The following MAST4 variants were observed in gnomAD, a reference collection of about 807,000 sequenced individuals.
The protein encoded by MAST4 is microtubule associated serine/threonine kinase family member 4, also known as microtubule-associated serine/threonine-protein kinase 4.
In MAST4, 89 loss-of-function variants were observed where a neutral mutation model predicts 162.7. The observed-to-expected ratio is 0.55, with a 90% confidence interval of 0.46 to 0.65. The LOEUF (loss-of-function observed/expected upper bound fraction) is 0.65. Among genes scored for constraint, MAST4 ranks in the 30% least tolerant of loss-of-function variants. The probability of loss-of-function intolerance (pLI) is 0.00; values close to 1 mark genes in which losing one functional copy is unlikely to be tolerated. For missense variants in MAST4, 3,153 were observed against 3,374.0 expected (o/e 0.93, Z 1.62); for synonymous variants, 1,479 against 1,361.1 (o/e 1.09, Z -1.91).
chr5:66,776,190 T>C (rs1754593222), intron 2 of MAST4, among the ~76,000 whole-genome samples: 1 of 152,222 alleles, frequency 6.6e-6, no homozygotes, highest in African/African-American at 2.4e-5. Flanking sequence ...CAGCTTTTGT[T>C]CTTTTTGTTT....
intron 1 of MAST4, among the ~76,000 whole-genome samples, chr5:66,749,993 T>TGA (rs966424262): frequency 2.0e-4 from 31 of 152,052 alleles, no homozygotes; most frequent in African/African-American, 7.0e-4. Flanking sequence ...GTGGCAGGGA[T>TGA]GAGAGAGAGA....
At chr5:66,642,426 A>G (rs563382646) in intron 1 of MAST4, among the ~76,000 whole-genome samples, 47 of 152,346 alleles carry the variant, frequency 3.1e-4, no homozygotes, top group Non-Finnish European at 6.3e-4. Context: ...CCATCTTCAG[A>G]CAATTAGGAA....
intron 3 of MAST4, among the ~76,000 whole-genome samples, chr5:66,829,668 A>G (rs927042995): frequency 2.6e-5 from 4 of 151,714 alleles, no homozygotes; most frequent in Middle Eastern, 3.2e-3. Flanking sequence ...GAAAGAATCT[A>G]ATCATTAGCC....
intron 14 of MAST4, among the ~76,000 whole-genome samples, chr5:67,127,237 C>G (rs138697014): frequency 0.02 from 3,088 of 152,224 alleles, 118 homozygotes; most frequent in African/African-American, 0.071. Flanking sequence ...CTTTCTCTTA[C>G]CTGATTGCCC....
At chr5:67,116,979 C>G (rs1454231493) in intron 12 of MAST4, among the ~76,000 whole-genome samples, 1 of 152,180 alleles carries the variant, frequency 6.6e-6, no homozygotes, top group African/African-American at 2.4e-5. Context: ...GCACTGCATG[C>G]TGTGTGAACC....
chr5:67,000,264 G>A (rs575295071), intron 4 of MAST4, among the ~76,000 whole-genome samples: 1 of 152,324 alleles, frequency 6.6e-6, no homozygotes, highest in African/African-American at 2.4e-5. Context: ...GAGTGCTTAG[G>A]AAATCTCAAC....
chr5:66,995,994 T>G (rs1750595613), intron 4 of MAST4, among the ~76,000 whole-genome samples: 1 of 152,064 alleles, frequency 6.6e-6, no homozygotes, highest in Non-Finnish European at 1.5e-5. Context: ...AAATACTTTG[T>G]TGGCCAGGCA....
chr5:66,957,525 G>A (rs1745465587), intron 4 of MAST4, among the ~76,000 whole-genome samples: 1 of 152,080 alleles, frequency 6.6e-6, no homozygotes, highest in Non-Finnish European at 1.5e-5. Flanking sequence ...ATCTCTAGCT[G>A]CCTCTCTGTG....
chr5:66,659,987 A>G (rs758668428), intron 1 of MAST4, among the ~76,000 whole-genome samples: 1 of 151,996 alleles, frequency 6.6e-6, no homozygotes, highest in South Asian at 2.1e-4. Context: ...GAAGACATAG[A>G]GATGTGGTTC....
At chr5:66,839,608 G>T (rs1352537037) in intron 3 of MAST4, among the ~76,000 whole-genome samples, 2 of 151,678 alleles carry the variant, frequency 1.3e-5, no homozygotes, top group Admixed American at 1.3e-4. Context: ...TCCCCAAATT[G>T]CTTCCAACTT....
chr5:67,142,092 T>G (rs1770464534), intron 19 of MAST4, 23 bp from the exon 20 acceptor site: 1 of 1,608,618 alleles, frequency 6.2e-7, no homozygotes, highest in Non-Finnish European at 8.5e-7. Flanking sequence ...CTTTCCTCTC[T>G]GTCTCTACCT....
chr5:66,799,956 G>GATATCC (rs1398687378), intron 3 of MAST4, among the ~76,000 whole-genome samples: 1 of 152,088 alleles, frequency 6.6e-6, no homozygotes, highest in Non-Finnish European at 1.5e-5. Flanking sequence ...TACAACTGAG[G>GATATCC]ATATCCACTT....
chr5:66,764,781 G>A (rs1312591602), intron 2 of MAST4, among the ~76,000 whole-genome samples: 2 of 152,204 alleles, frequency 1.3e-5, no homozygotes, highest in East Asian at 3.9e-4. Context: ...AGTTTATAAA[G>A]TAAAAGTTAC....
chr5:66,681,820 A>G (rs1055855722), intron 1 of MAST4, among the ~76,000 whole-genome samples: 1 of 152,204 alleles, frequency 6.6e-6, no homozygotes, highest in African/African-American at 2.4e-5. Flanking sequence ...TCATTAAACA[A>G]CAAACATTTT....
chr5:66,953,880 A>G (rs577919575), intron 4 of MAST4, among the ~76,000 whole-genome samples: 64 of 152,320 alleles, frequency 4.2e-4, no homozygotes, highest in African/African-American at 1.5e-3. Context: ...CTATATGCCA[A>G]TAGCAGCAAC....
intron 4 of MAST4, among the ~76,000 whole-genome samples, chr5:66,962,887 A>G (rs985067421): frequency 1.3e-5 from 2 of 152,156 alleles, no homozygotes; most frequent in Non-Finnish European, 2.9e-5. Flanking sequence ...GCTTTAATAG[A>G]TCTATTAGAT....
chr5:67,092,535 A>G (rs1344489860), intron 6 of MAST4, among the ~76,000 whole-genome samples: 1 of 152,184 alleles, frequency 6.6e-6, no homozygotes, highest in Non-Finnish European at 1.5e-5. Context: ...AATCCACCTG[A>G]TTGTGGACCT....
At chr5:66,735,705 C>T (rs748480462) in intron 1 of MAST4, among the ~76,000 whole-genome samples, 12 of 152,192 alleles carry the variant, frequency 7.9e-5, no homozygotes, top group South Asian at 6.2e-4. Context: ...GGATTTACAA[C>T]GGGATCTGCG....
chr5:66,836,065 G>A (rs1437660901), intron 3 of MAST4, among the ~76,000 whole-genome samples: 4 of 152,114 alleles, frequency 2.6e-5, no homozygotes, highest in Admixed American at 2.6e-4. Context: ...CAAGTACCTG[G>A]GAGACTGACG....
Sources: allele counts gnomAD v4.1 joint callset (sites outside exome capture counted in the v4.1 genomes callset), GRCh38; gene constraint gnomAD v4.1.1; transcripts MANE v1.5; gene names NCBI Gene and HGNC (gene_info 2026-07-23, HGNC 2026-07-21).